Variants in CTNNA3 observed in about 807,000 individuals in gnomAD.
CTNNA3 encodes the protein catenin alpha 3.
In CTNNA3, 76 loss-of-function variants were observed where a neutral mutation model predicts 95.7. That is an observed-to-expected ratio of 0.79 (90% CI 0.66 to 0.96). The LOEUF (loss-of-function observed/expected upper bound fraction) is 0.96. Ranked by LOEUF, CTNNA3 falls within the 40% of genes least tolerant of loss-of-function variation. CTNNA3 has a pLI of 0.00. For missense variants in CTNNA3, 1,191 were observed against 1,089.8 expected (o/e 1.09, Z -1.31); for synonymous variants, 431 against 374.4 (o/e 1.15, Z -1.74).
intron 7 of CTNNA3, among the ~76,000 whole-genome samples, chr10:67,169,263 C>G (rs1182038476): frequency 6.6e-6 from 1 of 152,054 alleles, no homozygotes; most frequent in Non-Finnish European, 1.5e-5. Context: ...CAATGACATT[C>G]TTTACAGAAC....
chr10:66,436,922 G>T (rs950502911), intron 11 of CTNNA3, among the ~76,000 whole-genome samples: 5 of 152,022 alleles, frequency 3.3e-5, no homozygotes, highest in African/African-American at 1.2e-4. Flanking sequence ...GTCTGTAAAG[G>T]ATTTTATTTC....
intron 7 of CTNNA3, among the ~76,000 whole-genome samples, chr10:66,901,109 T>C (rs1172128459): frequency 1.3e-5 from 2 of 151,828 alleles, no homozygotes; most frequent in Non-Finnish European, 2.9e-5. Flanking sequence ...AAAGAAAAAA[T>C]GTTAAGGGCA....
At chr10:67,663,013 T>C (rs1013184800) in intron 1 of CTNNA3, among the ~76,000 whole-genome samples, 1 of 152,230 alleles carries the variant, frequency 6.6e-6, no homozygotes, top group East Asian at 1.9e-4. Context: ...TTAAGTTCTC[T>C]GAATTAATAC....
At chr10:67,754,708 C>G (rs1366188749) in intron 1 of CTNNA3, among the ~76,000 whole-genome samples, 2 of 152,142 alleles carry the variant, frequency 1.3e-5, no homozygotes, top group Admixed American at 6.6e-5. Flanking sequence ...AGATAAAAGT[C>G]TTCTGTACAG....
chr10:66,050,149 A>T (rs569716566), intron 15 of CTNNA3, among the ~76,000 whole-genome samples: 8 of 143,124 alleles, frequency 5.6e-5, no homozygotes, highest in Non-Finnish European at 1.1e-4. Context: ...TCAAAGCTTT[A>T]ATAATTATGC....
chr10:66,712,800 C>T (rs1029128057), intron 9 of CTNNA3, among the ~76,000 whole-genome samples: 1 of 152,134 alleles, frequency 6.6e-6, no homozygotes, highest in African/African-American at 2.4e-5. Flanking sequence ...ATAGAAAAGA[C>T]GTCTCACATT....
intron 9 of CTNNA3, among the ~76,000 whole-genome samples, chr10:66,728,141 T>C (rs1289926264): frequency 6.6e-6 from 1 of 152,146 alleles, no homozygotes; most frequent in Non-Finnish European, 1.5e-5. Context: ...TCATTACTAG[T>C]AACAGATGTG....
chr10:66,342,763 T>C lies in CTNNA3; in HGVS notation c.1732+36389A>G, dbSNP rs187578701. 1.1e-4 allele frequency among the ~76,000 whole-genome samples: 16 copies of C among 152,216 alleles called. No individual in the cohort carries two copies. In the East Asian group the frequency reaches 2.9e-3, roughly 28 times the overall value. On this transcript the variant is annotated intron_variant, in intron 12 of 17. Transcript: ENST00000433211. Reference sequence around the variant, plus strand: ...AGGTAATGTTGTAATATAAGCCACATCACAGGATCCTTTATTTCTCTTCTT... The same window carrying C: ...AGGTAATGTTGTAATATAAGCCACACCACAGGATCCTTTATTTCTCTTCTT...
At chr10:65,962,010 C>T (rs762493010) in intron 17 of CTNNA3, among the ~76,000 whole-genome samples, 3 of 152,076 alleles carry the variant, frequency 2.0e-5, no homozygotes, top group Admixed American at 6.5e-5. Context: ...ACCGCCCATT[C>T]GCAGACTCAC....
At chr10:66,050,857 A>C (rs1211775614) in intron 15 of CTNNA3, among the ~76,000 whole-genome samples, 1 of 140,842 alleles carries the variant, frequency 7.1e-6, no homozygotes, top group African/African-American at 2.6e-5. Flanking sequence ...CCCATTTCTT[A>C]CTTTTTTTTT....
chr10:66,084,182 G>GAAAAAAGA (rs2080887800), intron 14 of CTNNA3, among the ~76,000 whole-genome samples: 1 of 145,154 alleles, frequency 6.9e-6, no homozygotes, highest in South Asian at 2.3e-4. Context: ...GAAAAGGAAA[G>GAAAAAAGA]AAAAAAAGAA....
At chr10:66,385,755 G>A (rs2092884998) in intron 11 of CTNNA3, among the ~76,000 whole-genome samples, 1 of 152,094 alleles carries the variant, frequency 6.6e-6, no homozygotes, top group Admixed American at 6.6e-5. Flanking sequence ...GATCAAGTAG[G>A]CTTCATCCCT....
At chr10:66,666,260 T>C (rs1380117870) in intron 9 of CTNNA3, among the ~76,000 whole-genome samples, 2 of 152,136 alleles carry the variant, frequency 1.3e-5, no homozygotes, top group Non-Finnish European at 2.9e-5. Context: ...TTCAATTCAT[T>C]TGCTGCCTGG....
chr10:67,244,083 G>A (rs1865816594), intron 5 of CTNNA3, among the ~76,000 whole-genome samples: 1 of 152,194 alleles, frequency 6.6e-6, no homozygotes, highest in South Asian at 2.1e-4. Context: ...TTGCACTTTT[G>A]TAAAAGGAAA....
intron 11 of CTNNA3, among the ~76,000 whole-genome samples, chr10:66,391,124 C>T (rs550740510): frequency 1.5e-4 from 23 of 152,012 alleles, no homozygotes; most frequent in Non-Finnish European, 3.2e-4. Flanking sequence ...CAAAATTTGC[C>T]CAGTTTCTTT....
At chr10:67,514,720 G>GTTTT (rs529419460) in intron 5 of CTNNA3, among the ~76,000 whole-genome samples, 1 of 127,768 alleles carries the variant, frequency 7.8e-6, no homozygotes, top group African/African-American at 2.7e-5. Flanking sequence ...TGTTTTTGTT[G>GTTTT]TTTTTTTTTT....
chr10:66,306,591 A>G (rs752509553), intron 12 of CTNNA3, among the ~76,000 whole-genome samples: 2 of 152,182 alleles, frequency 1.3e-5, no homozygotes, highest in Non-Finnish European at 1.5e-5. Flanking sequence ...ACAAGATTTA[A>G]AGGGCAAAAC....
Position 66,136,047 on chromosome 10 carries a change from G to A in CTNNA3, c.1885-32798C>T, listed in dbSNP as rs557713720. Among the ~76,000 whole-genome samples, 3 of 151,908 alleles carry A rather than the reference G, an allele frequency of 2.0e-5. No individual in the cohort carries two copies. The South Asian group carries it at 6.2e-4, about 32-fold the overall frequency. On this transcript the variant is annotated intron_variant, in intron 13 of 17. Coordinates refer to ENST00000433211, the MANE Select transcript of CTNNA3 (RefSeq NM_013266.4). Reference sequence around the variant, plus strand: ...CTCCCAAGTAGCTGGGACTACAGGCGCCCACCACCACGCCTGGCTAATTTT... The same window carrying A: ...CTCCCAAGTAGCTGGGACTACAGGCACCCACCACCACGCCTGGCTAATTTT...
At chr10:67,088,787 C>A (rs1278255631) in intron 7 of CTNNA3, among the ~76,000 whole-genome samples, 1 of 151,984 alleles carries the variant, frequency 6.6e-6, no homozygotes, top group African/African-American at 2.4e-5. Context: ...ATTCTCGTTA[C>A]AGACACTTGA....
Sources: gnomAD v4.1 joint callset for allele counts (sites outside exome capture counted in the v4.1 genomes callset) on GRCh38, gnomAD v4.1.1 for gene constraint, MANE v1.5 for transcripts, NCBI Gene and HGNC (gene_info 2026-07-23, HGNC 2026-07-21) for gene names.